Variants in ARL15 observed in about 807,000 individuals in gnomAD.
The protein encoded by ARL15 is ARF like GTPase 15.
In ARL15, 19 loss-of-function variants were observed where a neutral mutation model predicts 25.2. That is an observed-to-expected ratio of 0.75 (90% CI 0.53 to 1.10). The LOEUF (loss-of-function observed/expected upper bound fraction) is 1.10. ARL15 is among the 50% of genes least tolerant of loss of function. The probability of loss-of-function intolerance (pLI) is 0.00; values close to 1 mark genes in which losing one functional copy is unlikely to be tolerated. For synonymous variants in ARL15, 94 were observed against 86.8 expected (o/e 1.08, Z -0.46); for missense variants, 220 against 246.0 (o/e 0.89, Z 0.71).
chr5:54,246,823 CACACACACACACACACACACACAG>C (rs1454701805), intron 1 of ARL15, among the ~76,000 whole-genome samples: 3 of 150,918 alleles, frequency 2.0e-5, no homozygotes, highest in African/African-American at 7.3e-5. Context: ...CACACACACA[CACACACACACACACACACACACAG>C]AGTACATAAA....
intron 4 of ARL15, among the ~76,000 whole-genome samples, chr5:54,069,796 C>T (rs1751363855): frequency 6.6e-6 from 1 of 151,692 alleles, no homozygotes. Flanking sequence ...GCCTCCGTCT[C>T]CCGAGTAGCT....
intron 4 of ARL15, among the ~76,000 whole-genome samples, chr5:53,890,807 G>A (rs775679729): frequency 5.9e-5 from 9 of 152,154 alleles, no homozygotes; most frequent in Non-Finnish European, 1.2e-4. Flanking sequence ...TAACAGAGAC[G>A]ACTCGGCACC....
At chr5:53,902,305 A>G (rs1449682285) in intron 4 of ARL15, among the ~76,000 whole-genome samples, 1 of 152,188 alleles carries the variant, frequency 6.6e-6, no homozygotes, top group African/African-American at 2.4e-5. Context: ...TGCTAATCCA[A>G]TATTGGCACC....
chr5:54,234,022 A>G (rs1196449698), intron 1 of ARL15, among the ~76,000 whole-genome samples: 1 of 152,198 alleles, frequency 6.6e-6, no homozygotes, highest in East Asian at 1.9e-4. Flanking sequence ...ATTTTTTGAG[A>G]CAGTCTCGCT....
intron 1 of ARL15, among the ~76,000 whole-genome samples, chr5:54,198,751 C>T (rs1453393304): frequency 6.6e-6 from 1 of 151,204 alleles, no homozygotes; most frequent in Non-Finnish European, 1.5e-5. Context: ...AATGCCATCC[C>T]CATCAAGCTA....
intron 4 of ARL15, among the ~76,000 whole-genome samples, chr5:53,909,638 G>A (rs751994587): frequency 6.6e-6 from 1 of 152,176 alleles, no homozygotes; most frequent in Non-Finnish European, 1.5e-5. Flanking sequence ...CCTGGTAGGC[G>A]GAGGCTGTGG....
chr5:54,189,280 AT>A (rs1230450065), intron 1 of ARL15, among the ~76,000 whole-genome samples: 2 of 152,236 alleles, frequency 1.3e-5, no homozygotes, highest in African/African-American at 2.4e-5. Flanking sequence ...AATCTAAATA[AT>A]TTTTTTATGG....
At chr5:54,233,928 C>T (rs1756736558) in intron 1 of ARL15, among the ~76,000 whole-genome samples, 1 of 152,164 alleles carries the variant, frequency 6.6e-6, no homozygotes, top group Admixed American at 6.5e-5. Flanking sequence ...ATGCCATTTT[C>T]TCACTAATTT....
At chr5:53,953,837 C>G (rs1747053732) in intron 4 of ARL15, among the ~76,000 whole-genome samples, 1 of 152,074 alleles carries the variant, frequency 6.6e-6, no homozygotes, top group African/African-American at 2.4e-5. Flanking sequence ...AAGTGACAAG[C>G]AATAATTATT....
intron 4 of ARL15, among the ~76,000 whole-genome samples, chr5:54,104,708 AG>A (rs1752539836): frequency 6.6e-6 from 1 of 152,212 alleles, no homozygotes; most frequent in Non-Finnish European, 1.5e-5. Flanking sequence ...ATACTGAAGT[AG>A]AAATCAATGG....
chr5:54,287,694 A>G (rs918725620), intron 1 of ARL15, among the ~76,000 whole-genome samples: 5 of 152,126 alleles, frequency 3.3e-5, no homozygotes, highest in Non-Finnish European at 7.3e-5. Context: ...TCATTTTAAG[A>G]CTTATCTCTA....
intron 3 of ARL15, among the ~76,000 whole-genome samples, chr5:54,136,652 G>T (rs1489383495): frequency 6.6e-6 from 1 of 152,104 alleles, no homozygotes; most frequent in African/African-American, 2.4e-5. Flanking sequence ...AAGCACACAA[G>T]ATAGAATTCT....
chr5:54,045,705 T>TA (rs1750486179), intron 4 of ARL15, among the ~76,000 whole-genome samples: 1 of 152,104 alleles, frequency 6.6e-6, no homozygotes, highest in Non-Finnish European at 1.5e-5. Flanking sequence ...GGTTCAGACA[T>TA]AGAGAGAGTG....
rs187810385 is a variant in ARL15 at position 54,208,183 on chromosome 5, C to T, written c.49-36255G>A. Reference sequence around the variant, plus strand: ...CTCTGATAAAACAGCCAAATACCCACGGGAGAAACACACAGTAGATAAATC... The same window carrying T: ...CTCTGATAAAACAGCCAAATACCCATGGGAGAAACACACAGTAGATAAATC... On this transcript the variant is annotated intron_variant, in intron 1 of 4. Transcript: ENST00000504924. Among the ~76,000 whole-genome samples, 261 of 152,154 alleles carry T rather than the reference C, an allele frequency of 1.7e-3. 1 individual carries two copies. Among genetic ancestry groups the T allele is most frequent in the Non-Finnish European group, 1.2e-3 (83 of 68,010 alleles).
At chr5:53,971,405 A>C (rs1234231708) in intron 4 of ARL15, among the ~76,000 whole-genome samples, 1 of 152,232 alleles carries the variant, frequency 6.6e-6, no homozygotes, top group African/African-American at 2.4e-5. Context: ...TATCTGGAAA[A>C]TGATAGTATT....
At chr5:54,089,657 C>T (rs1169477947) in intron 4 of ARL15, among the ~76,000 whole-genome samples, 4 of 152,130 alleles carry the variant, frequency 2.6e-5, no homozygotes, top group Non-Finnish European at 2.9e-5. Context: ...GTCAGGAACA[C>T]TTTCTGTCAC....
intron 4 of ARL15, among the ~76,000 whole-genome samples, chr5:53,920,376 A>G (rs1287780865): frequency 2.0e-5 from 3 of 152,088 alleles, no homozygotes; most frequent in Non-Finnish European, 2.9e-5. Flanking sequence ...TGTTCTTGTC[A>G]TTTTGTTAAA....
intron 4 of ARL15, among the ~76,000 whole-genome samples, chr5:53,965,310 A>T (rs1217622066): frequency 6.6e-6 from 1 of 152,224 alleles, no homozygotes; most frequent in Admixed American, 6.5e-5. Flanking sequence ...TTGGTGGAAG[A>T]AGATAAGTGG....
intron 4 of ARL15, among the ~76,000 whole-genome samples, chr5:54,007,572 C>T (rs1165925284): frequency 6.6e-6 from 1 of 152,010 alleles, no homozygotes; most frequent in East Asian, 1.9e-4. Context: ...TTCAGGAGGC[C>T]CAGGTGGGTG....
Sources: gnomAD v4.1 joint callset for allele counts (sites outside exome capture counted in the v4.1 genomes callset) on GRCh38, gnomAD v4.1.1 for gene constraint, MANE v1.5 for transcripts, NCBI Gene and HGNC (gene_info 2026-07-23, HGNC 2026-07-21) for gene names.